Variants in CSMD1 observed in about 807,000 individuals in gnomAD.
The protein encoded by CSMD1 is CUB and Sushi multiple domains 1, also known as CUB and sushi domain-containing protein 1.
In CSMD1, 213 loss-of-function variants were observed where a neutral mutation model predicts 417.5. That is an observed-to-expected ratio of 0.51 (90% CI 0.46 to 0.57). CSMD1 has a LOEUF of 0.57. Ranked by LOEUF, CSMD1 falls within the 20% of genes least tolerant of loss-of-function variation. The probability of loss-of-function intolerance (pLI) is 0.00; values close to 1 mark genes in which losing one functional copy is unlikely to be tolerated. For missense variants in CSMD1, 6,923 were observed against 4,529.7 expected, an observed-to-expected ratio of 1.53 and a Z score of -15.17; for synonymous variants, 2,862 against 1,736.8, an observed-to-expected ratio of 1.65 and a Z score of -16.11.
intron 7 of CSMD1, among the ~76,000 whole-genome samples, chr8:3,656,406 T>G (rs1338378922): frequency 6.6e-6 from 1 of 152,178 alleles, no homozygotes; most frequent in Non-Finnish European, 1.5e-5. Flanking sequence ...TTCCTCTCAG[T>G]GCATCACCTA....
intron 6 of CSMD1, among the ~76,000 whole-genome samples, chr8:3,730,945 G>C (rs1159497530): frequency 6.6e-6 from 1 of 152,130 alleles, no homozygotes; most frequent in Non-Finnish European, 1.5e-5. Flanking sequence ...GGTTGCTTTT[G>C]TAAAAATTAT....
At chr8:4,899,755 T>C (rs1804744040) in intron 1 of CSMD1, among the ~76,000 whole-genome samples, 1 of 152,194 alleles carries the variant, frequency 6.6e-6, no homozygotes, top group African/African-American at 2.4e-5. Context: ...AAGAAAAAGC[T>C]AGAATGCACT....
chr8:4,359,853 C>A (rs1264286193), intron 3 of CSMD1, among the ~76,000 whole-genome samples: 1 of 152,246 alleles, frequency 6.6e-6, no homozygotes, highest in South Asian at 2.1e-4. Flanking sequence ...AGACTCAGTG[C>A]AAGTCCAGAG....
chr8:4,791,373 C>T (rs1410525057), intron 1 of CSMD1, among the ~76,000 whole-genome samples: 1 of 152,120 alleles, frequency 6.6e-6, no homozygotes, highest in Non-Finnish European at 1.5e-5. Flanking sequence ...TTCCAATTTT[C>T]TTTCCAATTC....
intron 3 of CSMD1, among the ~76,000 whole-genome samples, chr8:4,078,905 A>G (rs1335445532): frequency 1.6e-3 from 34 of 21,142 alleles, no homozygotes; most frequent in East Asian, 4.6e-3. Context: ...AAATATATAT[A>G]TATATATATA....
chr8:3,013,836 C>G (rs1346778949), intron 52 of CSMD1, among the ~76,000 whole-genome samples: 2 of 152,002 alleles, frequency 1.3e-5, no homozygotes, highest in African/African-American at 4.8e-5. Flanking sequence ...CTCAAGAGCC[C>G]ACTTAAACTA....
chr8:3,433,464 T>G (rs1814352580), intron 12 of CSMD1, among the ~76,000 whole-genome samples: 1 of 152,188 alleles, frequency 6.6e-6, no homozygotes, highest in Admixed American at 6.5e-5. Context: ...TTATTTGTGG[T>G]TGGTGTTGTG....
chr8:4,189,924 T>A (rs1390060022), intron 3 of CSMD1, among the ~76,000 whole-genome samples: 1 of 135,384 alleles, frequency 7.4e-6, no homozygotes, highest in Non-Finnish European at 1.6e-5. Flanking sequence ...CTTTTGCATA[T>A]TTTTTTTTTC....
intron 28 of CSMD1, among the ~76,000 whole-genome samples, chr8:3,222,552 C>T (rs563792647): frequency 1.3e-5 from 2 of 152,232 alleles, no homozygotes; most frequent in East Asian, 1.9e-4. Context: ...CTCAAGTGCT[C>T]CCCATCTTGG....
intron 4 of CSMD1, among the ~76,000 whole-genome samples, chr8:4,008,936 C>T (rs1816344459): frequency 6.6e-6 from 1 of 152,036 alleles, no homozygotes; most frequent in Admixed American, 6.6e-5. Flanking sequence ...AAATTGTGCT[C>T]CTATGATTTC....
intron 2 of CSMD1, among the ~76,000 whole-genome samples, chr8:4,424,490 A>T (rs191055396): frequency 6.6e-6 from 1 of 152,050 alleles, no homozygotes; most frequent in Non-Finnish European, 1.5e-5. Context: ...ACAGAGAAAT[A>T]CCGCACATGA....
chr8:4,260,867 A>C (rs1803832026), intron 3 of CSMD1, among the ~76,000 whole-genome samples: 1 of 152,186 alleles, frequency 6.6e-6, no homozygotes, highest in South Asian at 2.1e-4. Flanking sequence ...AGAAAGACAA[A>C]TCTTAATCTT....
At chr8:3,065,526 G>A (rs944100875) in intron 49 of CSMD1, among the ~76,000 whole-genome samples, 2 of 151,896 alleles carry the variant, frequency 1.3e-5, no homozygotes, top group Non-Finnish European at 2.9e-5. Context: ...ATAGGAAGAT[G>A]GATACACAGA....
chr8:2,945,052 C>T (rs1172118179), intron 68 of CSMD1, among the ~76,000 whole-genome samples: 2 of 149,710 alleles, frequency 1.3e-5, no homozygotes, highest in Non-Finnish European at 2.9e-5. Flanking sequence ...ATTTCAGTTA[C>T]TTGCCTTGTT....
chr8:3,101,799 C>CTT (rs530061255), intron 46 of CSMD1, among the ~76,000 whole-genome samples: 2,516 of 106,226 alleles, frequency 0.024, 107 homozygotes, highest in African/African-American at 0.081. Flanking sequence ...CTTTCTTTTT[C>CTT]TTTTTTTTTT....
At chr8:3,938,156 A>ATTT (rs1810632568) in intron 5 of CSMD1, among the ~76,000 whole-genome samples, 1 of 152,176 alleles carries the variant, frequency 6.6e-6, no homozygotes, top group Non-Finnish European at 1.5e-5. Context: ...AATTTCTGGT[A>ATTT]ATTGTGTCAA....
chr8:3,496,156 G>C (rs1253591614), intron 10 of CSMD1, among the ~76,000 whole-genome samples: 1 of 152,144 alleles, frequency 6.6e-6, no homozygotes, highest in Non-Finnish European at 1.5e-5. Flanking sequence ...AGAACATGCG[G>C]TGTTTGGTTT....
At chr8:4,366,156 T>C (rs930927030) in intron 3 of CSMD1, among the ~76,000 whole-genome samples, 5 of 152,158 alleles carry the variant, frequency 3.3e-5, no homozygotes, top group African/African-American at 9.7e-5. Context: ...TTCACTCCCG[T>C]TTATGAGAAC....
intron 3 of CSMD1, among the ~76,000 whole-genome samples, chr8:4,205,186 A>C (rs1308469801): frequency 1.3e-5 from 2 of 152,246 alleles, no homozygotes; most frequent in African/African-American, 4.8e-5. Context: ...GAAACATCTG[A>C]TTTAAATAAT....
Sources: gnomAD v4.1 joint callset for allele counts (sites outside exome capture counted in the v4.1 genomes callset) on GRCh38, gnomAD v4.1.1 for gene constraint, MANE v1.5 for transcripts, NCBI Gene and HGNC (gene_info 2026-07-23, HGNC 2026-07-21) for gene names.